Variants in MINDY3 observed in about 807,000 individuals in gnomAD.
The protein encoded by MINDY3 is MINDY lysine 48 deubiquitinase 3, also known as ubiquitin carboxyl-terminal hydrolase MINDY-3.
MINDY3 carries 38 observed loss-of-function variants against 69.2 expected under a neutral mutation model. The observed-to-expected ratio is 0.55, with a 90% CI of 0.42 to 0.72. The LOEUF (loss-of-function observed/expected upper bound fraction) is 0.72. MINDY3 is among the 30% of genes least tolerant of loss of function. MINDY3 has a pLI of 0.00. For missense variants in MINDY3, 522 were observed against 519.0 expected, an observed-to-expected ratio of 1.01 and a Z score of -0.06; for synonymous variants, 192 against 180.1, an observed-to-expected ratio of 1.07 and a Z score of -0.53.
intron 8 of MINDY3, among the ~76,000 whole-genome samples, chr10:15,831,044 A>T (rs1323321308): frequency 6.6e-6 from 1 of 152,208 alleles, no homozygotes; most frequent in Non-Finnish European, 1.5e-5. Context: ...AATATGCTGA[A>T]AAAAGACAAC....
rs190970835 is a variant in MINDY3, at chr10:15,837,745, G to T, written c.462-427C>A. The T allele has an allele frequency of 5.8e-6, 6 of 1,041,792 alleles. No individual in the cohort carries two copies. In the Admixed American group the frequency reaches 3.3e-4, roughly 57 times the overall value. 64.5% of individuals were successfully genotyped at this position (1,041,792 alleles called of 1,614,324 possible). On this transcript the variant is annotated intron_variant, in intron 5 of 14. Transcript: ENST00000277632. ...TACACATTTGCGGCTTCTTTTAAAA[G>T]AAATTAATGTTACATTTTAAACCAA... is the stretch of plus-strand genomic sequence containing the variant.
chr10:15,838,066 A>G, intron 5 of MINDY3, 162 bp downstream of exon 5: 1 of 983,554 alleles, frequency 1.0e-6, no homozygotes, highest in Non-Finnish European at 1.2e-6. Flanking sequence ...TTTACAAACT[A>G]TTTTAATTTA....
intron 10 of MINDY3, among the ~76,000 whole-genome samples, chr10:15,798,419 G>A (rs895746976): frequency 4.3e-4 from 65 of 151,244 alleles, no homozygotes; most frequent in Non-Finnish European, 6.3e-4. Flanking sequence ...AGTGTAAAAA[G>A]AATTTAAAGT....
At chr10:15,795,033 T>G (rs1158120933) in intron 11 of MINDY3, among the ~76,000 whole-genome samples, 1 of 151,316 alleles carries the variant, frequency 6.6e-6, no homozygotes. Context: ...AAATCTTCAC[T>G]AGTAAAACAA....
intron 1 of MINDY3, among the ~76,000 whole-genome samples, chr10:15,859,849 G>C (rs1809545897): frequency 6.6e-6 from 1 of 152,220 alleles, no homozygotes; most frequent in Non-Finnish European, 1.5e-5. Flanking sequence ...AGGGGGTAAA[G>C]ATGCGGAAGG....
intron 8 of MINDY3, among the ~76,000 whole-genome samples, chr10:15,826,153 G>C (rs1840072563): frequency 6.6e-6 from 1 of 152,166 alleles, no homozygotes; most frequent in South Asian, 2.1e-4. Context: ...AGAGGAGAAA[G>C]ACCACAAAAG....
intron 10 of MINDY3, among the ~76,000 whole-genome samples, chr10:15,796,834 G>A (rs1274717672): frequency 1.3e-5 from 2 of 151,968 alleles, no homozygotes; most frequent in African/African-American, 4.8e-5. Flanking sequence ...CAAAAATTGT[G>A]TTCTCTTTGA....
chr10:15,841,347 T>C (rs1833455370), intron 4 of MINDY3, 79 bp downstream of exon 4: 1 of 1,184,662 alleles, frequency 8.4e-7, no homozygotes, highest in Admixed American at 2.7e-5. Context: ...TTTAAGTAAT[T>C]TTTTCTTCAA....
chr10:15,800,687 G>T (rs773041134), intron 10 of MINDY3, among the ~76,000 whole-genome samples: 1 of 152,128 alleles, frequency 6.6e-6, no homozygotes, highest in Non-Finnish European at 1.5e-5. Flanking sequence ...AAGTGGAATT[G>T]CTTGATATGC....
intron 2 of MINDY3, among the ~76,000 whole-genome samples, chr10:15,844,799 T>G (rs1398171847): frequency 2.0e-5 from 3 of 152,202 alleles, no homozygotes; most frequent in Non-Finnish European, 4.4e-5. Context: ...CACCCTTACA[T>G]GCACTGGCAA....
At chr10:15,849,230 A>C (rs778584261) in intron 1 of MINDY3, among the ~76,000 whole-genome samples, 2 of 152,188 alleles carry the variant, frequency 1.3e-5, no homozygotes, top group Non-Finnish European at 2.9e-5. Flanking sequence ...CAGCTAAAGA[A>C]AATACCTTAA....
At chr10:15,830,834 G>A (rs75649528) in intron 8 of MINDY3, among the ~76,000 whole-genome samples, 2,127 of 152,264 alleles carry the variant, frequency 0.014, 23 homozygotes, top group Non-Finnish European at 0.019. Context: ...ATGCGGGCAA[G>A]GAAATTCTGC....
At chr10:15,838,190 C>T (rs1328751952) in intron 5 of MINDY3, 38 bp downstream of exon 5, 5 of 1,577,692 alleles carry the variant, frequency 3.2e-6, no homozygotes, top group Non-Finnish European at 4.3e-6. Flanking sequence ...GCAATGTGTC[C>T]ACAGAGTAAG....
intron 10 of MINDY3, among the ~76,000 whole-genome samples, chr10:15,812,586 T>C (rs1245409450): frequency 6.6e-6 from 1 of 152,158 alleles, no homozygotes; most frequent in African/African-American, 2.4e-5. Context: ...ACTAAGCAGT[T>C]TCTACGTGGT....
chr10:15,788,654 A>C (rs975825333), intron 12 of MINDY3, among the ~76,000 whole-genome samples: 1 of 152,172 alleles, frequency 6.6e-6, no homozygotes, highest in Non-Finnish European at 1.5e-5. Context: ...GATAATAACT[A>C]AAGATCTTAA....
At chr10:15,799,131 G>A (rs1838065464) in intron 10 of MINDY3, among the ~76,000 whole-genome samples, 2 of 151,910 alleles carry the variant, frequency 1.3e-5, no homozygotes, top group South Asian at 4.2e-4. Flanking sequence ...GACTTTATTT[G>A]GCCTGAGGGC....
chr10:15,782,485 T>C (rs1057222934), intron 13 of MINDY3: 2 of 380,370 alleles, frequency 5.3e-6, no homozygotes, highest in African/African-American at 4.2e-5. Flanking sequence ...TTATTTTTTT[T>C]TTAATTATGT....
intron 8 of MINDY3, among the ~76,000 whole-genome samples, chr10:15,830,899 T>C (rs1840412584): frequency 6.6e-6 from 1 of 152,180 alleles, no homozygotes; most frequent in South Asian, 2.1e-4. Flanking sequence ...ACATCACGAT[T>C]TTTGTTTTAG....
chr10:15,782,022 A>C (rs1836574940), intron 14 of MINDY3, 133 bp downstream of exon 14: 1 of 709,936 alleles, frequency 1.4e-6, no homozygotes, highest in African/African-American at 1.8e-5. Flanking sequence ...TGATTCTAAA[A>C]TGTGTCCTCA....
Sources: allele counts gnomAD v4.1 joint callset (sites outside exome capture counted in the v4.1 genomes callset), GRCh38; gene constraint gnomAD v4.1.1; transcripts MANE v1.5; gene names NCBI Gene and HGNC (gene_info 2026-07-23, HGNC 2026-07-21).